CCDC178: variants seen among roughly 807,000 people sequenced by gnomAD.
The protein encoded by CCDC178 is coiled-coil domain containing 178.
Under a neutral mutation model 117.4 loss-of-function variants are expected in CCDC178, and 126 were observed. The ratio of observed to expected loss-of-function variants is 1.07; its 90% CI spans 0.93 to 1.24. The LOEUF is 1.24. Ranked by LOEUF, CCDC178 falls within the 50% of genes most tolerant of loss-of-function variation. The pLI, the probability that CCDC178 is intolerant of heterozygous loss-of-function variation, is 0.00. For missense variants in CCDC178, 1,030 were observed against 986.9 expected, an observed-to-expected ratio of 1.04 and a Z score of -0.59; for synonymous variants, 283 against 313.4, an observed-to-expected ratio of 0.90 and a Z score of 1.02.
At chr18:33,405,041 G>A (rs1199426416) in intron 3 of CCDC178, among the ~76,000 whole-genome samples, 1 of 151,846 alleles carries the variant, frequency 6.6e-6, no homozygotes, top group Non-Finnish European at 1.5e-5. Context: ...TAGTGGTAAT[G>A]GCCACACAAA....
Position 33,181,946 on chromosome 18 carries a change from T to A in CCDC178, c.2238+29950A>T, listed in dbSNP as rs946089885. On this transcript the variant is annotated intron_variant, in intron 20 of 22. Transcript: ENST00000383096. ...TAGTGGCAAACACCATACCGTGTAA[T>A]AAGGGAACATCATAATTACAGCACC... 4.6e-5 allele frequency among the ~76,000 whole-genome samples: 7 copies of A among 151,938 alleles called. No homozygotes were observed. The East Asian group carries it at 1.4e-3, about 29-fold the overall frequency.
chr18:33,265,178 A>C (rs951339328), intron 14 of CCDC178, among the ~76,000 whole-genome samples: 8 of 152,188 alleles, frequency 5.3e-5, no homozygotes, highest in Non-Finnish European at 1.2e-4. Flanking sequence ...TTCCAAAGGT[A>C]AAATAATTCT....
At chr18:33,004,571 G>C (rs927058987) in intron 21 of CCDC178, among the ~76,000 whole-genome samples, 3 of 152,040 alleles carry the variant, frequency 2.0e-5, no homozygotes, top group Non-Finnish European at 4.4e-5. Context: ...GATTTCTTGA[G>C]TGATACCCCA....
chr18:33,417,204 T>C (rs1041818888), intron 2 of CCDC178, among the ~76,000 whole-genome samples: 4 of 152,110 alleles, frequency 2.6e-5, no homozygotes, highest in African/African-American at 9.7e-5. Flanking sequence ...TGTCTCTCAG[T>C]GGGTGAATGG....
intron 16 of CCDC178, among the ~76,000 whole-genome samples, chr18:33,225,719 G>A (rs11664313): frequency 0.42 from 63,279 of 152,094 alleles, 15,660 homozygotes; most frequent in Non-Finnish European, 0.56. Context: ...TAAAACATAC[G>A]TATAGAAATA....
rs190525173 is a variant in CCDC178, at chr18:32,988,633, C to A, written c.2389-13952G>T. Among the ~76,000 whole-genome samples, 13 of 151,618 alleles carry A rather than the reference C, an allele frequency of 8.6e-5. No homozygotes were observed. The East Asian group carries it at 1.2e-3, about 14-fold the overall frequency. On this transcript the variant is annotated intron_variant, in intron 21 of 22. Coordinates refer to ENST00000383096, the MANE Select transcript of CCDC178 (RefSeq NM_001105528.4). ...TATATAAAGAACAGAATAAACTAAT[C>A]AAAAATGTAGGAAAAGAGTAATAAA...
rs1331548387 is a variant in CCDC178 at position 33,177,312 on chromosome 18, T to C, written c.2238+34584A>G. Among the ~76,000 whole-genome samples, 6 of 152,068 alleles carry C rather than the reference T, an allele frequency of 3.9e-5. 1 individual carries two copies. The South Asian group carries it at 1.0e-3, about 26-fold the overall frequency. On this transcript the variant is annotated intron_variant, in intron 20 of 22. Transcript: ENST00000383096. The stretch of plus-strand genomic sequence containing the variant: ...AACCATCATGGCACAGGTATACATA[T>C]GTAACAAACCTGCACGTTCTGCACA...
chr18:33,071,464 A>G (rs896794183), intron 21 of CCDC178, among the ~76,000 whole-genome samples: 1 of 152,124 alleles, frequency 6.6e-6, no homozygotes, highest in African/African-American at 2.4e-5. Flanking sequence ...GAAGTAATCA[A>G]TCAAATTTTC....
intron 12 of CCDC178, among the ~76,000 whole-genome samples, chr18:33,280,665 G>A (rs2144821971): frequency 6.6e-6 from 1 of 152,216 alleles, no homozygotes; most frequent in Non-Finnish European, 1.5e-5. Flanking sequence ...TATGTTTATT[G>A]CGGCACTATT....
At chr18:33,292,696 T>C (rs2060183035) in intron 12 of CCDC178, among the ~76,000 whole-genome samples, 1 of 152,210 alleles carries the variant, frequency 6.6e-6, no homozygotes, top group South Asian at 2.1e-4. Flanking sequence ...AAATGTACAA[T>C]TATTATGTGT....
intron 20 of CCDC178, among the ~76,000 whole-genome samples, chr18:33,199,920 G>A (rs2058973905): frequency 6.6e-6 from 1 of 152,016 alleles, no homozygotes; most frequent in East Asian, 1.9e-4. Context: ...ATAGTTTCTG[G>A]TTTTGGATAC....
intron 11 of CCDC178, among the ~76,000 whole-genome samples, chr18:33,307,447 A>T (rs1449408278): frequency 1.3e-5 from 2 of 152,224 alleles, no homozygotes; most frequent in African/African-American, 2.4e-5. Flanking sequence ...GATTTAAGGT[A>T]TCTGGCAGAA....
At chr18:33,334,949 G>T (rs1232525049) in intron 9 of CCDC178, among the ~76,000 whole-genome samples, 1 of 151,938 alleles carries the variant, frequency 6.6e-6, no homozygotes, top group Non-Finnish European at 1.5e-5. Flanking sequence ...AAAGAAATTT[G>T]TTCTTAATGT....
At chr18:33,115,078 C>T (rs1385693199) in intron 20 of CCDC178, among the ~76,000 whole-genome samples, 1 of 151,962 alleles carries the variant, frequency 6.6e-6, no homozygotes, top group Non-Finnish European at 1.5e-5. Flanking sequence ...CCAGCATTTC[C>T]CTCTCTAAAA....
intron 9 of CCDC178, among the ~76,000 whole-genome samples, chr18:33,338,328 T>C (rs1568158850): frequency 6.6e-6 from 1 of 152,172 alleles, no homozygotes; most frequent in Non-Finnish European, 1.5e-5. Context: ...ATTCAGCTAC[T>C]AGGGAAAACA....
rs2063575533 is a variant in CCDC178 at position 33,392,388 on chromosome 18, A to G, written c.119-2759T>C. 2.0e-5 allele frequency among the ~76,000 whole-genome samples: 3 copies of G among 152,292 alleles called. No individual in the cohort carries two copies. In the East Asian group the frequency reaches 5.8e-4, roughly 29 times the overall value. On this transcript the variant is annotated intron_variant, in intron 4 of 22. Transcript: ENST00000383096. The stretch of plus-strand genomic sequence containing the variant: ...TTCCCATAATTAAGACCTCAGTATT[A>G]TCTTTGAACTTTAGTTTTACTCTAA...
chr18:32,948,473 A>G (rs970353282), intron 22 of CCDC178, among the ~76,000 whole-genome samples: 2 of 152,076 alleles, frequency 1.3e-5, no homozygotes, highest in African/African-American at 4.8e-5. Flanking sequence ...TCAACATCCA[A>G]TCACTGTTAG....
chr18:32,997,144 C>T (rs2055529838), intron 21 of CCDC178, among the ~76,000 whole-genome samples: 1 of 152,050 alleles, frequency 6.6e-6, no homozygotes, highest in African/African-American at 2.4e-5. Flanking sequence ...TTAAATAACC[C>T]TAGTACTATT....
chr18:33,158,954 A>G (rs1430444119), intron 20 of CCDC178, among the ~76,000 whole-genome samples: 3 of 152,128 alleles, frequency 2.0e-5, no homozygotes, highest in African/African-American at 7.2e-5. Context: ...TGGGCTGACA[A>G]TTTGACAGTA....
Sources: gnomAD v4.1 joint callset for allele counts (sites outside exome capture counted in the v4.1 genomes callset) on GRCh38, gnomAD v4.1.1 for gene constraint, MANE v1.5 for transcripts, NCBI Gene and HGNC (gene_info 2026-07-23, HGNC 2026-07-21) for gene names.